The following ERMP1 variants were observed in gnomAD, a reference collection of about 807,000 sequenced individuals.
ERMP1 encodes the protein endoplasmic reticulum metallopeptidase 1.
Under a neutral mutation model 92.0 loss-of-function variants are expected in ERMP1, and 86 were observed. The ratio of observed to expected loss-of-function variants is 0.93; its 90% CI spans 0.79 to 1.12. ERMP1 has a LOEUF of 1.12. ERMP1 is among the 50% of genes most tolerant of loss of function. The pLI, the probability that ERMP1 is intolerant of heterozygous loss-of-function variation, is 0.00. For synonymous variants in ERMP1, 530 were observed against 412.8 expected, an observed-to-expected ratio of 1.28 and a Z score of -3.44; for missense variants, 1,342 against 1,116.3, an observed-to-expected ratio of 1.20 and a Z score of -2.88.
At chr9:5,850,223 T>A (rs1057419820) in intron 6 of ERMP1, among the ~76,000 whole-genome samples, 1 of 151,778 alleles carries the variant, frequency 6.6e-6, no homozygotes, top group Admixed American at 6.6e-5. Context: ...CTGGCCAACA[T>A]GGTGAAACCC....
chr9:5,823,801 G>T, intron 4 of ERMP1, 95 bp downstream of exon 4: 1 of 841,972 alleles, frequency 1.2e-6, no homozygotes, highest in South Asian at 1.6e-5. Flanking sequence ...TCATTCAAGA[G>T]ACTGTTTATT....
chr9:5,805,741 C>T lies in ERMP1; in HGVS notation c.1593G>A (p.Ser531=), dbSNP rs35643913. ...CAAGAAAACAGCAATGGACAAACAGCGAAATGTCAAAAAATACTTCTCCCA... is the reference window on the plus strand; with the variant it reads ...CAAGAAAACAGCAATGGACAAACAGTGAAATGTCAAAAAATACTTCTCCCA... ...QYLGEVFFDI[S]LFVHCCFLVT... is the part of the protein sequence containing the mutation. The change falls in exon 9 of 15, where the codon TCG becomes TCA. Residue 531 remains serine, a synonymous_variant. Coordinates refer to ENST00000339450, the MANE Select transcript of ERMP1 (RefSeq NM_024896.3). The T allele has an allele frequency of 7.6e-3, 12,310 of 1,609,952 alleles. 111 individuals carry two copies. Among genetic ancestry groups the T allele is most frequent in the Middle Eastern group, 0.027 (163 of 6,034 alleles).
chr9:5,842,197 G>C (rs528933854), intron 6 of ERMP1, among the ~76,000 whole-genome samples: 1 of 152,124 alleles, frequency 6.6e-6, no homozygotes, highest in Non-Finnish European at 1.5e-5. Flanking sequence ...CCCTTACTTG[G>C]CCCCGCCCAC....
At chr9:5,866,723 C>A (rs763639889) in intron 5 of ERMP1, among the ~76,000 whole-genome samples, 8 of 152,128 alleles carry the variant, frequency 5.3e-5, no homozygotes, top group Non-Finnish European at 1.2e-4. Context: ...TTTCAAAAAT[C>A]TGAGTGGCGA....
At position 5,832,822 on chromosome 9, in the gene ERMP1, G is replaced by C. The variant is rs747748510; in HGVS notation, c.206C>G (p.Ser69Cys). Residue 69 changes from serine (S) to cysteine (C), a missense_variant, in exon 1 of 15, where the codon TCT becomes TGT. By Grantham distance (112) the Ser-to-Cys change is moderately radical. Coordinates refer to ENST00000339450, the MANE Select transcript of ERMP1 (RefSeq NM_024896.3). ...GASRGAGTGL[S>C]EVRAALGLAL... ...GAGCCCCAGCGCGGCGCGCACCTCA[G>C]ACAGCCCGGTCCCCGCGCCCCTGCT... is the stretch of plus-strand genomic sequence containing the variant. 521 of 1,503,064 alleles carry C rather than the reference G, an allele frequency of 3.5e-4. 1 individual carries two copies. The highest frequency in any genetic ancestry group is 4.5e-4 in the Non-Finnish European group (512 of 1,134,208). The allele number at this position is 1,503,064 out of a possible 1,614,324, so 93.1% of individuals were successfully genotyped here. A position where few individuals can be genotyped will look rare whatever the true frequency, so the allele number is the denominator to read the frequency against.
At chr9:5,830,311 A>G (rs529295474) in intron 2 of ERMP1, among the ~76,000 whole-genome samples, 1 of 152,266 alleles carries the variant, frequency 6.6e-6, no homozygotes, top group South Asian at 2.1e-4. Context: ...CTCTAAAACC[A>G]TGCAGTAACC....
chr9:5,818,457 T>C (rs1472199035), intron 4 of ERMP1, among the ~76,000 whole-genome samples: 1 of 152,224 alleles, frequency 6.6e-6, no homozygotes, highest in Non-Finnish European at 1.5e-5. Context: ...GCCTCATGCC[T>C]TTAATCCCAG....
At chr9:5,822,475 A>T (rs1573119) in intron 4 of ERMP1, among the ~76,000 whole-genome samples, 52,627 of 151,978 alleles carry the variant, frequency 0.35, 9,834 homozygotes, top group East Asian at 0.58. Flanking sequence ...AAGATAAAAG[A>T]TTAAAATAAG....
At chr9:5,863,950 C>A (rs778360312) in intron 5 of ERMP1, among the ~76,000 whole-genome samples, 1 of 151,992 alleles carries the variant, frequency 6.6e-6, no homozygotes, top group Non-Finnish European at 1.5e-5. Flanking sequence ...TATTTGAAAT[C>A]TTTTATTAGG....
upstream of ERMP1, among the ~76,000 whole-genome samples, chr9:5,834,154 G>A (rs780634823): frequency 1.1e-4 from 17 of 152,154 alleles, no homozygotes; most frequent in Non-Finnish European, 2.2e-4. Context: ...CAGCCACACT[G>A]GCCTCTTTCA....
chr9:5,804,340 G>C (rs1422112060), intron 10 of ERMP1, among the ~76,000 whole-genome samples: 1 of 152,108 alleles, frequency 6.6e-6, no homozygotes, highest in Non-Finnish European at 1.5e-5. Context: ...CTCAAGGGGG[G>C]TCTGGTCTTA....
chr9:5,848,409 C>G (rs1006575870), intron 6 of ERMP1, among the ~76,000 whole-genome samples: 1 of 152,118 alleles, frequency 6.6e-6, no homozygotes, highest in South Asian at 2.1e-4. Flanking sequence ...ACAGCTCTGC[C>G]GAGCCATTTC....
chr9:5,834,767 G>C (rs1830065847), upstream of ERMP1, among the ~76,000 whole-genome samples: 1 of 116,890 alleles, frequency 8.6e-6, no homozygotes, highest in Non-Finnish European at 1.7e-5. Flanking sequence ...ATATCCCATG[G>C]TACCATAATA....
chr9:5,839,492 A>ATT (rs1830132193), intron 6 of ERMP1, among the ~76,000 whole-genome samples: 1 of 152,160 alleles, frequency 6.6e-6, no homozygotes, highest in African/African-American at 2.4e-5. Context: ...CAGTTTGGGA[A>ATT]TGAGAGTCAC....
intron 6 of ERMP1, among the ~76,000 whole-genome samples, chr9:5,856,705 G>A (rs1407844298): frequency 6.6e-6 from 1 of 152,168 alleles, no homozygotes; most frequent in African/African-American, 2.4e-5. Context: ...GAAATACAGG[G>A]TCAGGTCTGG....
At chr9:5,810,317 T>C (rs1015484775) in intron 7 of ERMP1, 86 bp from the exon 8 acceptor site, 4 of 966,520 alleles carry the variant, frequency 4.1e-6, no homozygotes, top group Admixed American at 2.2e-5. Context: ...TGGGCAAACA[T>C]TAAAACAAAA....
At chr9:5,833,187 G>A (rs1459519831), upstream of ERMP1, 3 of 649,674 alleles carry the variant, frequency 4.6e-6, no homozygotes, top group Non-Finnish European at 7.1e-6. Flanking sequence ...CCAAGACCCA[G>A]CTTCTTTGGC....
At chr9:5,832,206 A>G (rs901002680) in intron 1 of ERMP1, among the ~76,000 whole-genome samples, 1 of 152,202 alleles carries the variant, frequency 6.6e-6, no homozygotes, top group Non-Finnish European at 1.5e-5. Flanking sequence ...GGTGTTCCAG[A>G]AAGAGTTTCT....
At chr9:5,809,114 C>T (rs1045251764) in intron 8 of ERMP1, among the ~76,000 whole-genome samples, 1 of 152,222 alleles carries the variant, frequency 6.6e-6, no homozygotes, top group South Asian at 2.1e-4. Context: ...CTCCGCCTCC[C>T]GGGTTCACGC....
Sources: allele counts gnomAD v4.1 joint callset (sites outside exome capture counted in the v4.1 genomes callset), GRCh38; gene constraint gnomAD v4.1.1; transcripts MANE v1.5; gene names NCBI Gene and HGNC (gene_info 2026-07-23, HGNC 2026-07-21).